The following TTC28 variants were observed in gnomAD, a reference collection of about 807,000 sequenced individuals.
The protein encoded by TTC28 is tetratricopeptide repeat protein 28.
Under a neutral mutation model 198.0 loss-of-function variants are expected in TTC28, and 61 were observed. The observed-to-expected ratio is 0.31, with a 90% confidence interval of 0.25 to 0.38. The LOEUF (loss-of-function observed/expected upper bound fraction) is 0.38, where lower values mean the gene tolerates loss of function less well. Among genes scored for constraint, TTC28 ranks in the 10% least tolerant of loss-of-function variants. The probability of loss-of-function intolerance (pLI) is 1.00; values close to 1 mark genes in which losing one functional copy is unlikely to be tolerated. For missense variants in TTC28, 2,678 were observed against 3,164.0 expected, an observed-to-expected ratio of 0.85 and a Z score of 3.69; for synonymous variants, 1,171 against 1,297.8, an observed-to-expected ratio of 0.90 and a Z score of 2.10.
chr22:28,572,316 G>A (rs1397398289), intron 2 of TTC28, among the ~76,000 whole-genome samples: 1 of 152,068 alleles, frequency 6.6e-6, no homozygotes, highest in East Asian at 1.9e-4. Context: ...GAGCGACACT[G>A]TCTAAAAAAA....
chr22:28,627,223 T>C (rs929387865), intron 2 of TTC28, among the ~76,000 whole-genome samples: 3 of 152,082 alleles, frequency 2.0e-5, no homozygotes, highest in African/African-American at 7.2e-5. Flanking sequence ...AAACATCTAC[T>C]ATGTACAAGT....
intron 12 of TTC28, among the ~76,000 whole-genome samples, chr22:28,091,586 C>T (rs1016374515): frequency 1.3e-5 from 2 of 152,108 alleles, no homozygotes; most frequent in Non-Finnish European, 2.9e-5. Context: ...CTAATACTAT[C>T]GAAAGGAGGG....
intron 2 of TTC28, among the ~76,000 whole-genome samples, chr22:28,591,615 A>G (rs1459979092): frequency 6.6e-6 from 1 of 152,200 alleles, no homozygotes; most frequent in Non-Finnish European, 1.5e-5. Context: ...AGTTATAAAA[A>G]TAGTACAAAG....
Position 28,628,177 on chromosome 22 carries a change from T to A in TTC28, c.381+1375A>T, listed in dbSNP as rs146305092. On this transcript the variant is annotated intron_variant, in intron 2 of 22. Coordinates refer to ENST00000397906, the MANE Select transcript of TTC28 (RefSeq NM_001145418.2). ...TCCCAAAGTGCTCAGATTATAGGCA[T>A]GAGCCACCATGCCCAGCCCTTCAGC... Among the ~76,000 whole-genome samples, 244 of 151,980 alleles carry A rather than the reference T, an allele frequency of 1.6e-3. 7 individuals are homozygous for A. The East Asian group carries it at 0.042, about 26-fold the overall frequency.
At chr22:28,161,840 A>C (rs1302600694) in intron 6 of TTC28, among the ~76,000 whole-genome samples, 1 of 135,492 alleles carries the variant, frequency 7.4e-6, no homozygotes, top group Admixed American at 7.3e-5. Flanking sequence ...GAGGGGAAGG[A>C]AGAAAGTTAA....
intron 2 of TTC28, among the ~76,000 whole-genome samples, chr22:28,604,306 T>A (rs1043623232): frequency 7.0e-5 from 10 of 142,136 alleles, no homozygotes; most frequent in Admixed American, 7.0e-4. Context: ...ATTATATATA[T>A]ATATATATAT....
chr22:28,394,582 G>A (rs764278673), intron 2 of TTC28, among the ~76,000 whole-genome samples: 3 of 152,142 alleles, frequency 2.0e-5, no homozygotes, highest in Non-Finnish European at 4.4e-5. Context: ...GATCTAATCT[G>A]CAACAACATC....
chr22:28,329,771 T>C (rs985143787), intron 2 of TTC28, among the ~76,000 whole-genome samples: 15 of 152,198 alleles, frequency 9.9e-5, no homozygotes, highest in African/African-American at 3.6e-4. Context: ...TCTCTGCTTA[T>C]AGAAAGGAAT....
intron 2 of TTC28, among the ~76,000 whole-genome samples, chr22:28,371,509 C>CAAAAAAA (rs1229801209): frequency 0.045 from 272 of 6,100 alleles, 91 homozygotes; most frequent in Middle Eastern, 1. Context: ...GACCCTGTCT[C>CAAAAAAA]AAAAAAAAAA....
intron 2 of TTC28, among the ~76,000 whole-genome samples, chr22:28,417,041 C>T (rs925590119): frequency 1.3e-5 from 2 of 152,002 alleles, no homozygotes; most frequent in Non-Finnish European, 2.9e-5. Context: ...CAGAGGTTTG[C>T]TTGCACAATT....
chr22:28,606,442 G>A (rs1168168135), intron 2 of TTC28, among the ~76,000 whole-genome samples: 2 of 152,058 alleles, frequency 1.3e-5, no homozygotes, highest in African/African-American at 4.8e-5. Context: ...AAAGTATGTA[G>A]GGGTATGTCT....
intron 8 of TTC28, among the ~76,000 whole-genome samples, chr22:28,101,800 AAAAAAAAAAAAAG>A (rs1423949368): frequency 1.3e-5 from 2 of 150,872 alleles, no homozygotes; most frequent in African/African-American, 4.9e-5. Flanking sequence ...AAAAAAAAAA[AAAAAAAAAAAAAG>A]AATACTAACA....
intron 2 of TTC28, among the ~76,000 whole-genome samples, chr22:28,445,034 CT>C (rs1469883374): frequency 6.6e-6 from 1 of 152,198 alleles, no homozygotes; most frequent in Non-Finnish European, 1.5e-5. Context: ...CCAAAATCGG[CT>C]TCTCTTCCCA....
chr22:28,269,168 C>T (rs1052403360), intron 5 of TTC28, among the ~76,000 whole-genome samples: 8 of 151,814 alleles, frequency 5.3e-5, no homozygotes, highest in African/African-American at 1.7e-4. Flanking sequence ...TATTTTTAAA[C>T]GTGGGGCTGT....
intron 2 of TTC28, among the ~76,000 whole-genome samples, chr22:28,461,210 T>A (rs1292565928): frequency 2.6e-5 from 4 of 152,240 alleles, no homozygotes; most frequent in Non-Finnish European, 5.9e-5. Flanking sequence ...GTTTCATCTT[T>A]ATATTCCCAG....
intron 6 of TTC28, among the ~76,000 whole-genome samples, chr22:28,154,614 C>A (rs1030221868): frequency 2.0e-5 from 3 of 152,004 alleles, no homozygotes; most frequent in Non-Finnish European, 2.9e-5. Flanking sequence ...CCTCGGCCTC[C>A]CAAAGTGCTG....
chr22:28,581,017 T>C (rs922995571), intron 2 of TTC28, among the ~76,000 whole-genome samples: 9 of 152,182 alleles, frequency 5.9e-5, no homozygotes, highest in Non-Finnish European at 1.2e-4. Flanking sequence ...TTTTAATAAT[T>C]TTATACATCC....
chr22:28,282,669 T>C (rs2044606901), intron 5 of TTC28, among the ~76,000 whole-genome samples: 1 of 152,208 alleles, frequency 6.6e-6, no homozygotes, highest in Admixed American at 6.5e-5. Flanking sequence ...AAGAGGTCTG[T>C]CCATGATAGA....
intron 2 of TTC28, among the ~76,000 whole-genome samples, chr22:28,313,005 C>T (rs1011316859): frequency 2.6e-4 from 39 of 152,064 alleles, no homozygotes; most frequent in African/African-American, 8.9e-4. Flanking sequence ...ATCAAATAGA[C>T]GTGATAAAAA....
Sources: gnomAD v4.1 joint callset for allele counts (sites outside exome capture counted in the v4.1 genomes callset) on GRCh38, gnomAD v4.1.1 for gene constraint, MANE v1.5 for transcripts, NCBI Gene and HGNC (gene_info 2026-07-23, HGNC 2026-07-21) for gene names.